Variants in SLC7A13 observed in about 807,000 individuals in gnomAD.
SLC7A13 encodes X-amino acid transporter 2.
A neutral mutation model predicts 32.0 loss-of-function variants in SLC7A13; 31 were observed. The observed-to-expected ratio is 0.97, with a 90% CI of 0.73 to 1.31. The LOEUF (loss-of-function observed/expected upper bound fraction) is 1.31. Among genes scored for constraint, SLC7A13 ranks in the 50% most tolerant of loss-of-function variants. The pLI is 0.00. For synonymous variants in SLC7A13, 232 were observed against 206.9 expected (o/e 1.12, Z -1.04); for missense variants, 633 against 546.9 (o/e 1.16, Z -1.57).
chr8:86,223,719 T>C (rs1006728062), intron 1 of SLC7A13, among the ~76,000 whole-genome samples: 3 of 151,842 alleles, frequency 2.0e-5, no homozygotes, highest in African/African-American at 7.3e-5. Context: ...CCCACCAACA[T>C]TGCTCCATGT....
At chr8:86,221,792 C>T (rs559319904) in intron 2 of SLC7A13, among the ~76,000 whole-genome samples, 6 of 152,074 alleles carry the variant, frequency 3.9e-5, no homozygotes, top group Admixed American at 2.6e-4. Flanking sequence ...ATTATTACAC[C>T]GAAGGAGATA....
At chr8:86,226,404 A>C (rs1174197332) in intron 1 of SLC7A13, among the ~76,000 whole-genome samples, 1 of 152,166 alleles carries the variant, frequency 6.6e-6, no homozygotes, top group African/African-American at 2.4e-5. Context: ...CATGTTCAAA[A>C]TTCACCAATG....
chr8:86,217,892 C>A (rs1820219938), intron 2 of SLC7A13, 61 bp from the exon 3 acceptor site: 6 of 1,430,292 alleles, frequency 4.2e-6, no homozygotes, highest in East Asian at 2.4e-5. Context: ...TAATGATAAA[C>A]CTTTTAATAT....
In SLC7A13 at chr8:86,230,305, A is replaced by G. The variant is rs1040088241; in HGVS notation, c.-28T>C. On this transcript the variant is annotated 5_prime_UTR_variant, in exon 1 of 4. Coordinates refer to ENST00000297524, the MANE Select transcript of SLC7A13 (RefSeq NM_138817.3). The stretch of plus-strand genomic sequence containing the variant: ...TAATTGAAGAGTTTTAAAATTCTAT[A>G]TAAATTACAATTTCTAGATTTTCCT... 2 of 1,497,758 alleles carry G rather than the reference A, an allele frequency of 1.3e-6. No homozygotes were observed. The highest frequency in any genetic ancestry group is 1.8e-6 in the Non-Finnish European group (2 of 1,122,828). The allele number at this position is 1,497,758 out of a possible 1,614,324, so 92.8% of individuals were successfully genotyped here.
chr8:86,215,546 T>G, intron 3 of SLC7A13: 1 of 325,992 alleles, frequency 3.1e-6, no homozygotes, highest in Non-Finnish European at 6.0e-6. Context: ...GTTAGCTGGG[T>G]GTGGTGGCAG....
chr8:86,227,778 C>A (rs2976186), intron 1 of SLC7A13, among the ~76,000 whole-genome samples: 19,730 of 152,164 alleles, frequency 0.13, 1,392 homozygotes, highest in Non-Finnish European at 0.15. Context: ...GAGATCATGT[C>A]TTTTCCAGCA....
chr8:86,229,568 A>ATT (rs11413051), intron 1 of SLC7A13, 25 bp downstream of exon 1: 44 of 1,573,114 alleles, frequency 2.8e-5, no homozygotes, highest in Middle Eastern at 1.7e-4. Context: ...ATGATTTTAG[A>ATT]TTTTTTTCCT....
At chr8:86,218,655 T>C (rs1037607754) in intron 2 of SLC7A13, among the ~76,000 whole-genome samples, 4 of 133,462 alleles carry the variant, frequency 3.0e-5, no homozygotes, top group African/African-American at 1.2e-4. Context: ...AATATTCTAC[T>C]TTTTTTTTTT....
At chr8:86,228,732 G>T (rs1379503068) in intron 1 of SLC7A13, among the ~76,000 whole-genome samples, 1 of 152,010 alleles carries the variant, frequency 6.6e-6, no homozygotes, top group Non-Finnish European at 1.5e-5. Flanking sequence ...TGTAGTCCCA[G>T]CTACTCTGGA....
At chr8:86,221,070 T>C (rs1159151736) in intron 2 of SLC7A13, among the ~76,000 whole-genome samples, 1 of 152,072 alleles carries the variant, frequency 6.6e-6, no homozygotes, top group African/African-American at 2.4e-5. Context: ...TAAAGAAAAT[T>C]TGGAATATTC....
intron 2 of SLC7A13, among the ~76,000 whole-genome samples, chr8:86,219,244 A>G (rs1053158122): frequency 6.6e-6 from 1 of 152,110 alleles, no homozygotes; most frequent in Non-Finnish European, 1.5e-5. Flanking sequence ...TCTTTCCAGT[A>G]AGGCAAAGGA....
At chr8:86,229,560 G>T (rs1404207511) in intron 1 of SLC7A13, 33 bp downstream of exon 1, 1 of 1,531,132 alleles carries the variant, frequency 6.5e-7, no homozygotes. Context: ...AATAAGTCAT[G>T]ATTTTAGATT....
Position 86,230,306 on chromosome 8 carries a change from T to C in SLC7A13, c.-29A>G. The C allele has an allele frequency of 2.0e-6, 3 of 1,497,410 alleles. No homozygotes were observed. Among genetic ancestry groups the C allele is most frequent in the Non-Finnish European group, 2.7e-6 (3 of 1,122,708 alleles). The allele number at this position is 1,497,410 out of a possible 1,614,324, so 92.8% of individuals were successfully genotyped here. A position where few individuals can be genotyped will look rare whatever the true frequency, so the allele number is the denominator to read the frequency against. On this transcript the variant is annotated 5_prime_UTR_variant, in exon 1 of 4. Coordinates refer to ENST00000297524, the MANE Select transcript of SLC7A13 (RefSeq NM_138817.3). Reference sequence around the variant, plus strand: ...AATTGAAGAGTTTTAAAATTCTATATAAATTACAATTTCTAGATTTTCCTG... The same window carrying C: ...AATTGAAGAGTTTTAAAATTCTATACAAATTACAATTTCTAGATTTTCCTG...
chr8:86,219,094 T>C (rs1410165912), intron 2 of SLC7A13, among the ~76,000 whole-genome samples: 1 of 152,192 alleles, frequency 6.6e-6, no homozygotes, highest in Non-Finnish European at 1.5e-5. Flanking sequence ...TTAGCCTTAG[T>C]GCTATTCTAC....
chr8:86,229,763 C>T lies in SLC7A13; in HGVS notation c.515G>A (p.Ser172Asn). The change falls in exon 1 of 4, where the codon AGC becomes AAC. Residue 172 changes from serine to asparagine, a missense_variant. By Grantham distance (46) the Ser-to-Asn change is conservative. Transcript: ENST00000297524. ...ASSVLKVSIL[S>N]FISLTGVVFL... ...CACTACTCCAGTTAGGGAAATGAAG[C>T]TAAGTATGGACACTTTCAGCACTGA... 1 of 1,614,184 alleles carries T rather than the reference C, an allele frequency of 6.2e-7. No homozygotes were observed. Among genetic ancestry groups the T allele is most frequent in the Non-Finnish European group, 8.5e-7 (1 of 1,180,032 alleles).
At chr8:86,222,639 A>G (rs377477384) in intron 2 of SLC7A13, among the ~76,000 whole-genome samples, 3 of 152,266 alleles carry the variant, frequency 2.0e-5, no homozygotes, top group South Asian at 4.1e-4. Flanking sequence ...AAACATTTTG[A>G]AAGTTTTAAA....
rs144691522 is a variant in SLC7A13, at chr8:86,230,177, G to T, written c.101C>A (p.Ser34Tyr). ...INIIGAGIFVSPKGVLAYSCM... is the reference protein window; with the variant it reads ...INIIGAGIFVYPKGVLAYSCM... ...AGAGTATGCCAACACACCTTTGGGG[G>T]ACACAAAAATTCCTGCACCAATGAT... The change falls in exon 1 of 4, where the codon TCC (serine) becomes TAC (tyrosine). Residue 34 changes from serine to tyrosine, a missense_variant. Ser to Tyr is a moderately radical substitution (Grantham distance 144). Transcript: ENST00000297524. The T allele has an allele frequency of 4.3e-6, 7 of 1,614,040 alleles. No individual in the cohort carries two copies. In the African/African-American group the frequency reaches 9.3e-5, roughly 22 times the overall value.
At chr8:86,216,331 A>C (rs1820181350) in intron 3 of SLC7A13, among the ~76,000 whole-genome samples, 1 of 152,192 alleles carries the variant, frequency 6.6e-6, no homozygotes, top group Non-Finnish European at 1.5e-5. Flanking sequence ...CTCTCTCCCT[A>C]TGTGCTCTCT....
At position 86,214,478 on chromosome 8, in the gene SLC7A13, C is replaced by T; in HGVS notation, c.1348G>A (p.Glu450Lys). 6.2e-7 allele frequency: 1 copy of T among 1,612,328 alleles called. No homozygotes were observed. Among genetic ancestry groups the T allele is most frequent in the East Asian group, 2.2e-5 (1 of 44,766 alleles). The change falls in exon 4 of 4, where the codon GAG becomes AAG. Residue 450 changes from glutamate (E) to lysine (K), a missense_variant. Glu to Lys is a moderately conservative substitution (Grantham distance 56). Coordinates refer to ENST00000297524, the MANE Select transcript of SLC7A13 (RefSeq NM_138817.3). Reference protein sequence around the residue: ...IHFKIRLAWFEKMTCYLQLLF... With the variant: ...IHFKIRLAWFKKMTCYLQLLF... ...AATTGTAAATAGCAAGTCATCTTCTCAAACCAAGCCAATCTTATTTTAAAA... is the reference window on the plus strand; with the variant it reads ...AATTGTAAATAGCAAGTCATCTTCTTAAACCAAGCCAATCTTATTTTAAAA...
Sources: allele counts gnomAD v4.1 joint callset (sites outside exome capture counted in the v4.1 genomes callset), GRCh38; gene constraint gnomAD v4.1.1; transcripts MANE v1.5; gene names NCBI Gene and HGNC (gene_info 2026-07-23, HGNC 2026-07-21).